ETV6: variants seen among roughly 807,000 people sequenced by gnomAD.
ETV6 encodes ETS variant transcription factor 6, also known as transcription factor ETV6.
In ETV6, 16 loss-of-function variants were observed where a neutral mutation model predicts 51.1. The observed-to-expected ratio is 0.31, with a 90% CI of 0.21 to 0.48. The LOEUF (loss-of-function observed/expected upper bound fraction) is 0.48, where lower values mean the gene tolerates loss of function less well. ETV6 is among the 20% of genes least tolerant of loss of function. The pLI, the probability that ETV6 is intolerant of heterozygous loss-of-function variation, is 0.99. For synonymous variants in ETV6, 240 were observed against 224.1 expected (o/e 1.07, Z -0.64); for missense variants, 458 against 594.8 (o/e 0.77, Z 2.39).
At chr12:11,822,393 C>T (rs1363970979) in intron 2 of ETV6, among the ~76,000 whole-genome samples, 1 of 152,186 alleles carries the variant, frequency 6.6e-6, no homozygotes, top group African/African-American at 2.4e-5. Context: ...TAGAACTCTC[C>T]CGCATACGTC....
At chr12:11,846,605 CA>C (rs879515852) in intron 3 of ETV6, among the ~76,000 whole-genome samples, 55 of 139,954 alleles carry the variant, frequency 3.9e-4, no homozygotes, top group Admixed American at 5.7e-4. Context: ...CAAGAGTGGG[CA>C]AAAAAAAAAA....
chr12:11,869,467 G>A lies in ETV6; in HGVS notation c.507G>A (p.Val169=). 1 of 1,613,994 alleles carries A rather than the reference G, an allele frequency of 6.2e-7. No individual in the cohort carries two copies. The highest frequency in any genetic ancestry group is 8.5e-7 in the Non-Finnish European group (1 of 1,179,964). Residue 169 remains valine, a synonymous_variant, in exon 5 of 8, where the codon GTG becomes GTA. Transcript: ENST00000396373. The surrounding 1 kb of genome is among the most constrained non-coding windows in gnomAD (Gnocchi z 5.0). ...CCCCCAGGCCATCCGTGGATAATGT[G>A]CACCATAACCCTCCCACCATTGAAC... ...QRTPRPSVDN[V]HHNPPTIELL...
At chr12:11,813,133 G>A (rs35829109) in intron 2 of ETV6, among the ~76,000 whole-genome samples, 32,230 of 152,230 alleles carry the variant, frequency 0.21, 3,532 homozygotes, top group Middle Eastern at 0.27. Context: ...CCTGCCCTCC[G>A]GGGAGAGTGG....
At chr12:11,798,114 A>G (rs777106931) in intron 2 of ETV6, among the ~76,000 whole-genome samples, 4 of 152,234 alleles carry the variant, frequency 2.6e-5, no homozygotes, top group Non-Finnish European at 5.9e-5. Flanking sequence ...GACAAATAAG[A>G]TAGTTCTTGA....
intron 1 of ETV6, among the ~76,000 whole-genome samples, chr12:11,691,194 C>T (rs1325487165): frequency 6.6e-6 from 1 of 152,118 alleles, no homozygotes; most frequent in Non-Finnish European, 1.5e-5. Context: ...GCTCTACCCT[C>T]ATGACTTAAA....
chr12:11,809,937 A>G (rs1186807684), intron 2 of ETV6, among the ~76,000 whole-genome samples: 1 of 147,200 alleles, frequency 6.8e-6, no homozygotes, highest in Admixed American at 7.1e-5. Context: ...CTCCTGCCTC[A>G]GCCTCCTGAG....
intron 2 of ETV6, among the ~76,000 whole-genome samples, chr12:11,757,923 C>T (rs753366099): frequency 6.6e-6 from 1 of 152,214 alleles, no homozygotes; most frequent in Non-Finnish European, 1.5e-5. Context: ...ACCAGTCCTG[C>T]TGCCTCCCCG....
At chr12:11,732,354 T>C (rs530623123) in intron 1 of ETV6, among the ~76,000 whole-genome samples, 1 of 152,336 alleles carries the variant, frequency 6.6e-6, no homozygotes, top group South Asian at 2.1e-4. Context: ...ATATTTCTGT[T>C]GATCTCAGGT....
rs139303040 is a variant in ETV6 at position 11,752,725 on chromosome 12, C to G, written c.163+146C>G. The G allele has an allele frequency of 7.4e-5, 72 of 977,160 alleles. No homozygotes were observed. In the African/African-American group the frequency reaches 8.3e-4, roughly 11 times the overall value. The allele number at this position is 977,160 out of a possible 1,614,324, so 60.5% of individuals were successfully genotyped here. ...CTGCTTTGGAATCTTTCACACCCCC[C>G]TACCCCCAGATACCTTTGAAAAATT... is the stretch of plus-strand genomic sequence containing the variant. On this transcript the variant is annotated intron_variant, in intron 2 of 7. Transcript: ENST00000396373.
chr12:11,816,022 T>C (rs1371008875), intron 2 of ETV6, among the ~76,000 whole-genome samples: 1 of 152,068 alleles, frequency 6.6e-6, no homozygotes, highest in East Asian at 1.9e-4. Flanking sequence ...TATTTTGAAG[T>C]GTATGTGGTT....
At chr12:11,669,261 G>C (rs543163332) in intron 1 of ETV6, among the ~76,000 whole-genome samples, 4 of 152,194 alleles carry the variant, frequency 2.6e-5, no homozygotes, top group African/African-American at 9.6e-5. Flanking sequence ...AAGCGACTTC[G>C]AAGTCTGATC....
chr12:11,886,536 A>G (rs1357221380), intron 7 of ETV6, among the ~76,000 whole-genome samples: 1 of 152,084 alleles, frequency 6.6e-6, no homozygotes, highest in Non-Finnish European at 1.5e-5. Flanking sequence ...ACATGTAGCA[A>G]GAATGACAGT....
chr12:11,848,156 C>T lies in ETV6; in HGVS notation c.329-5271C>T, dbSNP rs117943342. Among the ~76,000 whole-genome samples, 440 of 152,274 alleles carry T rather than the reference C, an allele frequency of 2.9e-3. 3 individuals are homozygous for T. Among genetic ancestry groups the T allele is most frequent in the South Asian group, 0.011 (51 of 4,824 alleles). On this transcript the variant is annotated intron_variant, in intron 3 of 7. Coordinates refer to ENST00000396373, the MANE Select transcript of ETV6 (RefSeq NM_001987.5). Reference sequence around the variant, plus strand: ...TCCATTGAGCGTTTATGATGGCAGACGTGGGGCTGGTGCTCTGCACGTATC... The same window carrying T: ...TCCATTGAGCGTTTATGATGGCAGATGTGGGGCTGGTGCTCTGCACGTATC...
At position 11,650,118 on chromosome 12, in the gene ETV6, G is replaced by T. The variant is rs1415883061; in HGVS notation, c.-10G>T. On this transcript the variant is annotated 5_prime_UTR_variant, in exon 1 of 8. Transcript: ENST00000396373. ...ACCTGAGAACTTCCTGATCTCTCTC[G>T]CTGTGAGACATGTCTGAGACTCCTG... is the stretch of plus-strand genomic sequence containing the variant. The T allele has an allele frequency of 2.5e-6, 4 of 1,613,410 alleles. No individual in the cohort carries two copies. The highest frequency in any genetic ancestry group is 2.2e-5 in the East Asian group (1 of 44,874).
intron 1 of ETV6, among the ~76,000 whole-genome samples, chr12:11,699,683 A>C (rs1864942719): frequency 6.6e-6 from 1 of 152,106 alleles, no homozygotes; most frequent in South Asian, 2.1e-4. Flanking sequence ...TGTAGGATGG[A>C]GGTAAAGAGG....
At chr12:11,728,528 G>T (rs1351222699) in intron 1 of ETV6, among the ~76,000 whole-genome samples, 1 of 152,170 alleles carries the variant, frequency 6.6e-6, no homozygotes, top group Non-Finnish European at 1.5e-5. Context: ...TAAATGTCAT[G>T]TGCTTGAATC....
intron 1 of ETV6, among the ~76,000 whole-genome samples, chr12:11,723,511 C>T (rs987234305): frequency 1.3e-5 from 2 of 151,750 alleles, no homozygotes; most frequent in Admixed American, 1.3e-4. Context: ...AGAAAATGTA[C>T]CTTAGTTATA....
At chr12:11,871,932 C>T (rs1226622670) in intron 5 of ETV6, among the ~76,000 whole-genome samples, 1 of 152,082 alleles carries the variant, frequency 6.6e-6, no homozygotes, top group Non-Finnish European at 1.5e-5. Context: ...TGTGAATTTC[C>T]CCAAATAATT....
intron 1 of ETV6, among the ~76,000 whole-genome samples, chr12:11,729,422 G>C (rs981568046): frequency 1.3e-5 from 2 of 152,168 alleles, no homozygotes; most frequent in African/African-American, 4.8e-5. Context: ...GGATCAGGTG[G>C]GGGGGACTGG....
Sources: allele counts gnomAD v4.1 joint callset (sites outside exome capture counted in the v4.1 genomes callset), GRCh38; gene constraint gnomAD v4.1.1; non-coding constraint Gnocchi (gnomAD v3.1); transcripts MANE v1.5; gene names NCBI Gene and HGNC (gene_info 2026-07-23, HGNC 2026-07-21).